The following TMEM132C variants were observed in gnomAD, a reference collection of about 807,000 sequenced individuals.
The protein encoded by TMEM132C is transmembrane protein 132C.
Under a neutral mutation model 61.4 loss-of-function variants are expected in TMEM132C, and 29 were observed. That is an observed-to-expected ratio of 0.47 (90% CI 0.35 to 0.64). TMEM132C has a LOEUF of 0.64. TMEM132C is among the 30% of genes least tolerant of loss of function. TMEM132C has a pLI of 0.00. For missense variants in TMEM132C, 1,408 were observed against 1,476.9 expected (o/e 0.95, Z 0.76); for synonymous variants, 656 against 633.1 (o/e 1.04, Z -0.54).
intron 2 of TMEM132C, among the ~76,000 whole-genome samples, chr12:128,472,998 A>G (rs1871001242): frequency 6.6e-6 from 1 of 152,196 alleles, no homozygotes; most frequent in Admixed American, 6.5e-5. Context: ...GTGAGACACT[A>G]CAGGGTTGGT....
At chr12:128,678,682 T>C (rs1412774009) in intron 5 of TMEM132C, among the ~76,000 whole-genome samples, 1 of 152,208 alleles carries the variant, frequency 6.6e-6, no homozygotes. Context: ...TCTGGAGACA[T>C]TTTTGGTTGT....
At chr12:128,268,017 C>T (rs1056390122) in intron 1 of TMEM132C, among the ~76,000 whole-genome samples, 2 of 152,224 alleles carry the variant, frequency 1.3e-5, no homozygotes, top group South Asian at 2.1e-4. Flanking sequence ...TCTGTGCGGG[C>T]CCTAGAGGAA....
chr12:128,387,827 C>T (rs143591386), intron 1 of TMEM132C, among the ~76,000 whole-genome samples: 6 of 152,236 alleles, frequency 3.9e-5, no homozygotes, highest in Non-Finnish European at 8.8e-5. Flanking sequence ...ACAAAAATCA[C>T]GGAGGCAATT....
rs112055802 is a variant in TMEM132C at position 128,373,769 on chromosome 12, G to A, written c.86-40963G>A. Among the ~76,000 whole-genome samples, 7 of 152,316 alleles carry A rather than the reference G, an allele frequency of 4.6e-5. 1 individual carries two copies. The highest frequency in any genetic ancestry group is 9.6e-5 in the African/African-American group (4 of 41,588). Reference sequence around the variant, plus strand: ...GCAGATAGAGGCATGAGTGAACACCGGTAGGTCTGAATTTGTTCAGGGTTT... The same window carrying A: ...GCAGATAGAGGCATGAGTGAACACCAGTAGGTCTGAATTTGTTCAGGGTTT... On this transcript the variant is annotated intron_variant, in intron 1 of 8. Coordinates refer to ENST00000435159, the MANE Select transcript of TMEM132C (RefSeq NM_001136103.3).
chr12:128,469,008 T>A (rs917782774), intron 2 of TMEM132C, among the ~76,000 whole-genome samples: 5 of 152,222 alleles, frequency 3.3e-5, no homozygotes, highest in Admixed American at 2.6e-4. Context: ...GTTTCTTAGG[T>A]GTTAGAAACA....
chr12:128,695,166 G>A (rs1954749839), intron 6 of TMEM132C, among the ~76,000 whole-genome samples: 1 of 152,188 alleles, frequency 6.6e-6, no homozygotes, highest in African/African-American at 2.4e-5. Flanking sequence ...TAGCTATGGA[G>A]TGCCTGGACT....
chr12:128,485,999 A>G (rs1309299015), intron 2 of TMEM132C, among the ~76,000 whole-genome samples: 2 of 152,134 alleles, frequency 1.3e-5, no homozygotes, highest in African/African-American at 4.8e-5. Flanking sequence ...TTCTCCCTGG[A>G]TAGTCGGAGA....
At chr12:128,513,303 C>T (rs370855332) in intron 2 of TMEM132C, among the ~76,000 whole-genome samples, 15 of 152,274 alleles carry the variant, frequency 9.9e-5, no homozygotes, top group Middle Eastern at 6.8e-3. Context: ...CTGCCTCCCC[C>T]TCCTCCAGCC....
rs541932258 is a variant in TMEM132C at position 128,697,358 on chromosome 12, C to G, written c.2064C>G (p.Asn688Lys). ...LSVALYPNAE[N>K]SKAVTAVVTA... Reference sequence around the variant, plus strand: ...TCGCCCTTTACCCCAACGCAGAAAACAGCAAGGCCGTAACAGCTGTGGTCA... The same window carrying G: ...TCGCCCTTTACCCCAACGCAGAAAAGAGCAAGGCCGTAACAGCTGTGGTCA... The change falls in exon 8 of 9, where the codon AAC becomes AAG. Residue 688 changes from asparagine (N) to lysine (K), a missense_variant. Asn to Lys is a moderately conservative substitution (Grantham distance 94). Coordinates refer to ENST00000435159, the MANE Select transcript of TMEM132C (RefSeq NM_001136103.3). The G allele has an allele frequency of 6.4e-7, 1 of 1,551,124 alleles. No homozygotes were observed. The highest frequency in any genetic ancestry group is 8.7e-7 in the Non-Finnish European group (1 of 1,146,698).
At position 128,518,516 on chromosome 12, in the gene TMEM132C, C is replaced by T. The variant is rs929369289; in HGVS notation, c.975-25441C>T. On this transcript the variant is annotated intron_variant, in intron 2 of 8. Transcript: ENST00000435159. ...CAACAGAACGGGACCTGATGCCACACGTAGGGTCCATGATGAGACCTTTCC... is the reference window on the plus strand; with the variant it reads ...CAACAGAACGGGACCTGATGCCACATGTAGGGTCCATGATGAGACCTTTCC... Among the ~76,000 whole-genome samples, 8 of 152,192 alleles carry T rather than the reference C, an allele frequency of 5.3e-5. No individual in the cohort carries two copies. The East Asian group carries it at 5.8e-4, about 11-fold the overall frequency.
chr12:128,678,937 C>G (rs1400753359), intron 5 of TMEM132C, among the ~76,000 whole-genome samples: 2 of 152,232 alleles, frequency 1.3e-5, no homozygotes, highest in Non-Finnish European at 1.5e-5. Flanking sequence ...GAAAAGGCCA[C>G]TGCCTTTGGC....
chr12:128,270,081 C>A (rs1566036850), intron 1 of TMEM132C, among the ~76,000 whole-genome samples: 1 of 152,098 alleles, frequency 6.6e-6, no homozygotes, highest in Non-Finnish European at 1.5e-5. Context: ...GCAAAACATC[C>A]TTGAATTAGA....
At position 128,594,526 on chromosome 12, in the gene TMEM132C, A is replaced by G. The variant is rs551229701; in HGVS notation, c.1122-21626A>G. Among the ~76,000 whole-genome samples, 6 of 152,270 alleles carry G rather than the reference A, an allele frequency of 3.9e-5. No individual in the cohort carries two copies. The East Asian group carries it at 9.7e-4, about 25-fold the overall frequency. ...TTGCACGGTGCAAATGGAGGTAGCC[A>G]GGGACCTCCCACCCCTGCACCTGGT... On this transcript the variant is annotated intron_variant, in intron 3 of 8. Coordinates refer to ENST00000435159, the MANE Select transcript of TMEM132C (RefSeq NM_001136103.3).
chr12:128,625,586 A>C (rs1367940289), intron 4 of TMEM132C, among the ~76,000 whole-genome samples: 1 of 152,192 alleles, frequency 6.6e-6, no homozygotes, highest in African/African-American at 2.4e-5. Context: ...ATTTCGAACC[A>C]AGTGAAAGGG....
chr12:128,608,485 C>T (rs1355162694), intron 3 of TMEM132C, among the ~76,000 whole-genome samples: 1 of 152,208 alleles, frequency 6.6e-6, no homozygotes, highest in Non-Finnish European at 1.5e-5. Flanking sequence ...AGTTACCCCT[C>T]TGCTAAATAG....
In TMEM132C at chr12:128,636,897, T is replaced by C. The variant is rs150712506; in HGVS notation, c.1305+20562T>C. On this transcript the variant is annotated intron_variant, in intron 4 of 8. Transcript: ENST00000435159. The stretch of plus-strand genomic sequence containing the variant: ...TGTGCTTGGTGTATTTTGCATAGTA[T>C]AGGGTCCTCCAGGTTCATCCATATT... Among the ~76,000 whole-genome samples the C allele has an allele frequency of 4.5e-3, 682 of 152,280 alleles. 4 individuals carry two copies. The highest frequency in any genetic ancestry group is 0.016 in the African/African-American group (647 of 41,546).
intron 2 of TMEM132C, among the ~76,000 whole-genome samples, chr12:128,471,049 T>A (rs138240374): frequency 2.0e-5 from 3 of 152,320 alleles, no homozygotes; most frequent in African/African-American, 7.2e-5. Context: ...ATCAAATGAC[T>A]CTTTGTGGTG....
At chr12:128,378,359 G>A (rs1415893413) in intron 1 of TMEM132C, among the ~76,000 whole-genome samples, 4 of 151,956 alleles carry the variant, frequency 2.6e-5, no homozygotes, top group Admixed American at 1.3e-4. Context: ...TTCATGATCC[G>A]CCCGCCTCGG....
At position 128,602,074 on chromosome 12, in the gene TMEM132C, G is replaced by A. The variant is rs75865620; in HGVS notation, c.1122-14078G>A. On this transcript the variant is annotated intron_variant, in intron 3 of 8. Coordinates refer to ENST00000435159, the MANE Select transcript of TMEM132C (RefSeq NM_001136103.3). The stretch of plus-strand genomic sequence containing the variant: ...ATTTAAAATTAAGAAAATTAGTTGG[G>A]CATGGTGGTCAGTACCTGTAGCCTA... 4.5e-3 allele frequency among the ~76,000 whole-genome samples: 684 copies of A among 152,202 alleles called. 3 individuals carry two copies. Among genetic ancestry groups the A allele is most frequent in the African/African-American group, 0.011 (452 of 41,522 alleles).
Sources: gnomAD v4.1 joint callset for allele counts (sites outside exome capture counted in the v4.1 genomes callset) on GRCh38, gnomAD v4.1.1 for gene constraint, MANE v1.5 for transcripts, NCBI Gene and HGNC (gene_info 2026-07-23, HGNC 2026-07-21) for gene names.